The following FARS2 variants were observed in gnomAD, a reference collection of about 807,000 sequenced individuals.
FARS2 encodes the protein phenylalanine--tRNA ligase, mitochondrial.
In FARS2, 40 loss-of-function variants were observed where a neutral mutation model predicts 46.4. The observed-to-expected ratio is 0.86, with a 90% CI of 0.67 to 1.12. The LOEUF (loss-of-function observed/expected upper bound fraction) is 1.12, where lower values mean the gene tolerates loss of function less well. Among genes scored for constraint, FARS2 ranks in the 50% most tolerant of loss-of-function variants. FARS2 has a pLI of 0.00. For missense variants in FARS2, 513 were observed against 567.9 expected, an observed-to-expected ratio of 0.90 and a Z score of 0.98; for synonymous variants, 234 against 214.9, an observed-to-expected ratio of 1.09 and a Z score of -0.78.
At chr6:5,700,121 A>C (rs1350622035) in intron 6 of FARS2, among the ~76,000 whole-genome samples, 1 of 152,214 alleles carries the variant, frequency 6.6e-6, no homozygotes, top group East Asian at 1.9e-4. Context: ...GCCTAGGATG[A>C]CTGCATCTAA....
chr6:5,477,661 A>G (rs1034536489), intron 4 of FARS2, among the ~76,000 whole-genome samples: 7 of 152,214 alleles, frequency 4.6e-5, no homozygotes, highest in African/African-American at 1.7e-4. Context: ...ATTGTAAATT[A>G]ATTAATTTTG....
chr6:5,578,434 A>G (rs1427394724), intron 5 of FARS2, among the ~76,000 whole-genome samples: 2 of 152,122 alleles, frequency 1.3e-5, no homozygotes, highest in Non-Finnish European at 2.9e-5. Flanking sequence ...GCCTGGATTC[A>G]TGGGGTGGGG....
At chr6:5,731,457 C>T (rs985097186) in intron 6 of FARS2, among the ~76,000 whole-genome samples, 1 of 152,204 alleles carries the variant, frequency 6.6e-6, no homozygotes, top group Admixed American at 6.5e-5. Flanking sequence ...CGTTCCATGT[C>T]TCCTGCTTCT....
At chr6:5,329,469 A>ATT (rs35042211) in intron 1 of FARS2, among the ~76,000 whole-genome samples, 2 of 151,820 alleles carry the variant, frequency 1.3e-5, no homozygotes, top group East Asian at 1.9e-4. Flanking sequence ...GAGTTTTTAA[A>ATT]TTTTTTTTAT....
At position 5,469,417 on chromosome 6, in the gene FARS2, G is replaced by A. The variant is rs1036255801; in HGVS notation, c.904+38245G>A. On this transcript the variant is annotated intron_variant, in intron 4 of 6. Coordinates refer to ENST00000274680, the MANE Select transcript of FARS2 (RefSeq NM_006567.5). ...GCGGGTGACAGTAGCTAATCCCTCCGCTGGATACCTTCTTGATTTTCTCTC... is the reference window on the plus strand; with the variant it reads ...GCGGGTGACAGTAGCTAATCCCTCCACTGGATACCTTCTTGATTTTCTCTC... Among the ~76,000 whole-genome samples the A allele has an allele frequency of 1.2e-4, 19 of 152,300 alleles. No homozygotes were observed. In the South Asian group the frequency reaches 2.1e-3, roughly 17 times the overall value.
intron 2 of FARS2, among the ~76,000 whole-genome samples, chr6:5,391,686 A>G (rs984306669): frequency 3.3e-5 from 5 of 152,160 alleles, no homozygotes; most frequent in African/African-American, 1.2e-4. Flanking sequence ...TGCCACTTGT[A>G]GGATTTTGCA....
chr6:5,756,823 T>C (rs936982436), intron 6 of FARS2, among the ~76,000 whole-genome samples: 9 of 152,148 alleles, frequency 5.9e-5, no homozygotes, highest in Admixed American at 6.5e-5. Flanking sequence ...ATAGGAAAAA[T>C]TGTGGTAGAC....
chr6:5,672,927 T>A (rs1199332871), intron 6 of FARS2, among the ~76,000 whole-genome samples: 2 of 152,164 alleles, frequency 1.3e-5, no homozygotes, highest in Non-Finnish European at 2.9e-5. Flanking sequence ...TAAAGAGCCC[T>A]CTGGGCCCTC....
intron 4 of FARS2, among the ~76,000 whole-genome samples, chr6:5,510,658 A>C (rs936551401): frequency 6.6e-6 from 1 of 152,214 alleles, no homozygotes; most frequent in Non-Finnish European, 1.5e-5. Flanking sequence ...CACACTCACC[A>C]GCGCTGGCCG....
At chr6:5,459,301 CTT>C (rs904252717) in intron 4 of FARS2, among the ~76,000 whole-genome samples, 1 of 152,260 alleles carries the variant, frequency 6.6e-6, no homozygotes, top group Admixed American at 6.5e-5. Context: ...TTTCACAACT[CTT>C]TTGGACAGAG....
chr6:5,350,117 G>T (rs811611), intron 1 of FARS2, among the ~76,000 whole-genome samples: 1 of 149,944 alleles, frequency 6.7e-6, no homozygotes, highest in East Asian at 1.9e-4. Context: ...TTGTTCGTTC[G>T]TTCTTTCTTT....
At chr6:5,497,538 T>C (rs1404920421) in intron 4 of FARS2, among the ~76,000 whole-genome samples, 3 of 152,234 alleles carry the variant, frequency 2.0e-5, no homozygotes, top group Non-Finnish European at 4.4e-5. Flanking sequence ...GTTGATTTCA[T>C]TAATAATAGA....
intron 4 of FARS2, among the ~76,000 whole-genome samples, chr6:5,444,639 G>A (rs1764072910): frequency 6.6e-6 from 1 of 152,126 alleles, no homozygotes; most frequent in South Asian, 2.1e-4. Flanking sequence ...GGTATTCCCA[G>A]TTCCTAGAAC....
At chr6:5,321,033 T>C (rs797136) in intron 1 of FARS2, among the ~76,000 whole-genome samples, 22,524 of 152,130 alleles carry the variant, frequency 0.15, 2,378 homozygotes, top group African/African-American at 0.3. Context: ...ATCTCTCAAC[T>C]ATATTGGAAA....
chr6:5,422,853 A>G (rs761921425), intron 3 of FARS2, among the ~76,000 whole-genome samples: 18 of 152,208 alleles, frequency 1.2e-4, no homozygotes, highest in Non-Finnish European at 2.2e-4. Context: ...ATGACATTCA[A>G]TGAAAAAAAA....
At chr6:5,510,453 G>C (rs922095186) in intron 4 of FARS2, among the ~76,000 whole-genome samples, 1 of 152,298 alleles carries the variant, frequency 6.6e-6, no homozygotes, top group Non-Finnish European at 1.5e-5. Flanking sequence ...TTGTCTGACC[G>C]TGAGTTCCGC....
chr6:5,355,932 T>C (rs1369486251), intron 1 of FARS2, among the ~76,000 whole-genome samples: 2 of 152,186 alleles, frequency 1.3e-5, no homozygotes, highest in East Asian at 3.8e-4. Context: ...GTTTTTAACC[T>C]CAAAATAAGC....
intron 6 of FARS2, among the ~76,000 whole-genome samples, chr6:5,754,699 T>G (rs1451799768): frequency 6.6e-6 from 1 of 152,268 alleles, no homozygotes; most frequent in African/African-American, 2.4e-5. Context: ...TGGGTATAAT[T>G]GATGTAGGTT....
In FARS2 at chr6:5,281,195, A is replaced by G. The variant is rs529811303; in HGVS notation, c.-22+19535A>G. Among the ~76,000 whole-genome samples the G allele has an allele frequency of 1.4e-4, 21 of 152,350 alleles. No homozygotes were observed. In the South Asian group the frequency reaches 3.9e-3, roughly 29 times the overall value. ...TCTTAAACAAAGCATGGGATTTAAG[A>G]AAGAAGAATTAGCAGATTAAGCCTT... On this transcript the variant is annotated intron_variant, in intron 1 of 6. Transcript: ENST00000274680.
Sources: gnomAD v4.1 joint callset for allele counts (sites outside exome capture counted in the v4.1 genomes callset) on GRCh38, gnomAD v4.1.1 for gene constraint, MANE v1.5 for transcripts, NCBI Gene and HGNC (gene_info 2026-07-23, HGNC 2026-07-21) for gene names.